Variants in SLC44A1 observed in about 807,000 individuals in gnomAD.
The protein encoded by SLC44A1 is choline transporter-like protein 1.
Under a neutral mutation model 79.3 loss-of-function variants are expected in SLC44A1, and 26 were observed. That is an observed-to-expected ratio of 0.33 (90% CI 0.24 to 0.46). The LOEUF (loss-of-function observed/expected upper bound fraction) is 0.46, where lower values mean the gene tolerates loss of function less well. Among genes scored for constraint, SLC44A1 ranks in the 20% least tolerant of loss-of-function variants. The probability of loss-of-function intolerance (pLI) is 1.00; values close to 1 mark genes in which losing one functional copy is unlikely to be tolerated. For synonymous variants in SLC44A1, 263 were observed against 286.2 expected (o/e 0.92, Z 0.82); for missense variants, 688 against 798.1 (o/e 0.86, Z 1.66).
At chr9:105,345,371 A>G (rs188287875) in intron 4 of SLC44A1, among the ~76,000 whole-genome samples, 6 of 152,300 alleles carry the variant, frequency 3.9e-5, no homozygotes, top group Admixed American at 3.9e-4. Flanking sequence ...ATAAAATCAG[A>G]AAGTACCTGG....
At chr9:105,259,435 T>C (rs540451645) in intron 1 of SLC44A1, among the ~76,000 whole-genome samples, 12 of 152,310 alleles carry the variant, frequency 7.9e-5, no homozygotes, top group African/African-American at 2.9e-4. Flanking sequence ...GAAAATGGCC[T>C]CAATAAAGTT....
chr9:105,275,296 T>C (rs1830173600), intron 1 of SLC44A1, among the ~76,000 whole-genome samples: 1 of 152,228 alleles, frequency 6.6e-6, no homozygotes, highest in Non-Finnish European at 1.5e-5. Context: ...TAATGTGTTT[T>C]ACAGCATCAG....
chr9:105,342,599 T>G (rs1827128397), intron 4 of SLC44A1, among the ~76,000 whole-genome samples: 1 of 152,102 alleles, frequency 6.6e-6, no homozygotes, highest in Non-Finnish European at 1.5e-5. Context: ...TTCTTCTCCT[T>G]TCTCTCTCCC....
At chr9:105,355,485 G>A (rs575816065) in intron 5 of SLC44A1, among the ~76,000 whole-genome samples, 1 of 152,154 alleles carries the variant, frequency 6.6e-6, no homozygotes, top group African/African-American at 2.4e-5. Context: ...TTTTTCACTT[G>A]TTAATTATTT....
At chr9:105,347,665 A>AT (rs1827281520) in intron 4 of SLC44A1, among the ~76,000 whole-genome samples, 1 of 151,954 alleles carries the variant, frequency 6.6e-6, no homozygotes, top group Non-Finnish European at 1.5e-5. Flanking sequence ...CAGAAAAATT[A>AT]ATTTTTTTTT....
At chr9:105,308,424 T>A (rs1249751677) in intron 2 of SLC44A1, among the ~76,000 whole-genome samples, 1 of 152,276 alleles carries the variant, frequency 6.6e-6, no homozygotes, top group East Asian at 1.9e-4. Flanking sequence ...AGCTAGTGAG[T>A]AGCAAATCAG....
chr9:105,272,683 A>G (rs1004908581), intron 1 of SLC44A1, among the ~76,000 whole-genome samples: 1 of 152,118 alleles, frequency 6.6e-6, no homozygotes, highest in Non-Finnish European at 1.5e-5. Flanking sequence ...CACAGGTCTT[A>G]TATTATTTTC....
intron 15 of SLC44A1, among the ~76,000 whole-genome samples, chr9:105,432,888 C>T (rs1015756146): frequency 1.3e-5 from 2 of 152,052 alleles, no homozygotes; most frequent in Non-Finnish European, 2.9e-5. Flanking sequence ...AAAATAAGAA[C>T]TTCAGTTCAT....
intron 15 of SLC44A1, among the ~76,000 whole-genome samples, chr9:105,403,274 C>G (rs924459092): frequency 1.3e-5 from 2 of 151,968 alleles, no homozygotes; most frequent in African/African-American, 4.8e-5. Context: ...ACACAAAGAT[C>G]GATAGAATTT....
intron 9 of SLC44A1, 68 bp from the exon 10 acceptor site, chr9:105,364,487 A>T: frequency 7.0e-7 from 1 of 1,424,706 alleles, no homozygotes; most frequent in Non-Finnish European, 9.6e-7. Context: ...ATTGCCTTCT[A>T]CTTAACTGCC....
chr9:105,262,718 T>C (rs754406528), intron 1 of SLC44A1, among the ~76,000 whole-genome samples: 1 of 152,192 alleles, frequency 6.6e-6, no homozygotes, highest in Non-Finnish European at 1.5e-5. Context: ...TAGTGTTCCA[T>C]GGCCATGGAC....
intron 14 of SLC44A1, among the ~76,000 whole-genome samples, chr9:105,385,080 A>G (rs1246088697): frequency 6.6e-6 from 1 of 152,218 alleles, no homozygotes; most frequent in African/African-American, 2.4e-5. Flanking sequence ...ATAGAAAAAA[A>G]CAACAACAAC....
chr9:105,324,065 G>A (rs1011554927), intron 3 of SLC44A1, among the ~76,000 whole-genome samples: 4 of 151,982 alleles, frequency 2.6e-5, no homozygotes, highest in African/African-American at 7.3e-5. Context: ...GCAGTGGTGC[G>A]ATCTAGGCTC....
chr9:105,424,948 C>CAAAA (rs200345209), intron 15 of SLC44A1, among the ~76,000 whole-genome samples: 3 of 96,176 alleles, frequency 3.1e-5, no homozygotes, highest in African/African-American at 7.7e-5. Context: ...GACTCCATCT[C>CAAAA]AAAAAAAAAA....
rs758808846 is a variant in SLC44A1 at position 105,392,796 on chromosome 9, G to A, written c.*3740G>A. 102 of 985,260 alleles carry A rather than the reference G, an allele frequency of 1.0e-4. No individual in the cohort carries two copies. The highest frequency in any genetic ancestry group is 1.2e-4 in the Non-Finnish European group (97 of 829,928). 61.0% of individuals were successfully genotyped at this position (985,260 alleles called of 1,614,324 possible). ...TCCAAAACCAGAACTGCCAGTAATGGTGACTTGAATATTTTATTTGATTTT... is the reference window on the plus strand; with the variant it reads ...TCCAAAACCAGAACTGCCAGTAATGATGACTTGAATATTTTATTTGATTTT... On this transcript the variant is annotated 3_prime_UTR_variant, in exon 16 of 16. Transcript: ENST00000374720.
intron 3 of SLC44A1, among the ~76,000 whole-genome samples, chr9:105,317,346 G>A (rs1262584770): frequency 6.6e-6 from 1 of 152,090 alleles, no homozygotes; most frequent in East Asian, 1.9e-4. Context: ...GAGTTTTGGA[G>A]CCTCATTTAG....
chr9:105,348,020 A>G (rs1259597130), intron 4 of SLC44A1, among the ~76,000 whole-genome samples: 1 of 152,060 alleles, frequency 6.6e-6, no homozygotes, highest in Non-Finnish European at 1.5e-5. Context: ...TTCTCTTTAA[A>G]GTAGGCTTAA....
At chr9:105,260,570 A>G (rs879495896) in intron 1 of SLC44A1, among the ~76,000 whole-genome samples, 2 of 152,254 alleles carry the variant, frequency 1.3e-5, no homozygotes, top group Admixed American at 1.3e-4. Context: ...TGGCAAAAGT[A>G]GATAAATTTC....
intron 1 of SLC44A1, among the ~76,000 whole-genome samples, chr9:105,279,595 C>T (rs1423710407): frequency 6.6e-6 from 1 of 152,108 alleles, no homozygotes; most frequent in East Asian, 1.9e-4. Context: ...GGATTACAGG[C>T]GTGAGCCACT....
Sources: allele counts gnomAD v4.1 joint callset (sites outside exome capture counted in the v4.1 genomes callset), GRCh38; gene constraint gnomAD v4.1.1; transcripts MANE v1.5; gene names NCBI Gene and HGNC (gene_info 2026-07-23, HGNC 2026-07-21).